Variants in SDR39U1 observed in about 807,000 individuals in gnomAD.
SDR39U1 encodes the protein epimerase family protein SDR39U1.
A neutral mutation model predicts 31.7 loss-of-function variants in SDR39U1; 29 were observed. The observed-to-expected ratio is 0.92, with a 90% confidence interval of 0.68 to 1.25. The LOEUF is 1.25. Ranked by LOEUF, SDR39U1 falls within the 50% of genes most tolerant of loss-of-function variation. The probability of loss-of-function intolerance (pLI) is 0.00; values close to 1 mark genes in which losing one functional copy is unlikely to be tolerated. For missense variants in SDR39U1, 403 were observed against 378.4 expected (o/e 1.06, Z -0.54); for synonymous variants, 147 against 159.0 (o/e 0.92, Z 0.57).
At chr14:24,441,138 G>A in intron 4 of SDR39U1, 1 of 678,496 alleles carries the variant, frequency 1.5e-6, no homozygotes, top group Non-Finnish European at 2.7e-6. Context: ...CTTAGAGGCT[G>A]CTAGAGTGTA....
At position 24,440,142 on chromosome 14, in the gene SDR39U1, T is replaced by G. The variant is rs1165043671; in HGVS notation, c.823A>C (p.Thr275Pro). 6.2e-7 allele frequency: 1 copy of G among 1,613,306 alleles called. No homozygotes were observed. The highest frequency in any genetic ancestry group is 1.1e-5 in the South Asian group (1 of 91,004). The change falls in exon 6 of 6, where the codon ACT becomes CCT. Residue 275 changes from threonine to proline, a missense_variant. Physicochemically the swap from Thr to Pro is conservative, Grantham distance 38. Transcript: ENST00000399395. ...QKVIPQRTLA[T>P]GYQYSFPELG... is the part of the protein sequence containing the mutation. The stretch of plus-strand genomic sequence containing the variant: ...TCTGGGAAGGAATACTGGTAGCCAG[T>G]GGCCAGTGTTCGCTGTGGGATCACC...
At chr14:24,441,612 A>T (rs539340362) in intron 4 of SDR39U1, 62 bp downstream of exon 4, 1 of 1,413,960 alleles carries the variant, frequency 7.1e-7, no homozygotes, top group African/African-American at 1.4e-5. Context: ...GCATAGCTAC[A>T]GAGGTCTGAG....
chr14:24,440,146 C>A lies in SDR39U1; in HGVS notation c.819G>T (p.Leu273=), dbSNP rs773161583. The A allele has an allele frequency of 6.2e-7, 1 of 1,613,454 alleles. No individual in the cohort carries two copies. The highest frequency in any genetic ancestry group is 8.5e-7 in the Non-Finnish European group (1 of 1,179,574). The change falls in exon 6 of 6, where the codon CTG becomes CTT. Residue 273 remains leucine (L), a synonymous_variant. Transcript: ENST00000399395. ...GGAAGGAATACTGGTAGCCAGTGGC[C>A]AGTGTTCGCTGTGGGATCACCTTCT... ...EGQKVIPQRT[L]ATGYQYSFPE...
In SDR39U1 at chr14:24,440,795, C is replaced by T; in HGVS notation, c.460G>A (p.Val154Met). 1 of 1,613,976 alleles carries T rather than the reference C, an allele frequency of 6.2e-7. No homozygotes were observed. The highest frequency in any genetic ancestry group is 8.5e-7 in the Non-Finnish European group (1 of 1,179,854). The change falls in exon 5 of 6, where the codon GTG becomes ATG. Residue 154 changes from valine (V) to methionine (M), a missense_variant. Coordinates refer to ENST00000399395, the MANE Select transcript of SDR39U1 (RefSeq NM_020195.3). Reference sequence around the variant, plus strand: ...GCCCGTTTCTCACCTGAGCGCACCACCACCTGGCGTGTAGAATCTCCAGGA... The same window carrying T: ...GCCCGTTTCTCACCTGAGCGCACCATCACCTGGCGTGTAGAATCTCCAGGA... ...RLPGDSTRQV[V>M]VRSGVVLGRG...
upstream of SDR39U1, chr14:24,442,823 A>C: frequency 1.3e-6 from 2 of 1,598,648 alleles, no homozygotes; most frequent in South Asian, 2.2e-5. Flanking sequence ...CTCACCTCAG[A>C]CGCGACTACG....
intron 4 of SDR39U1, 25 bp from the exon 5 acceptor site, chr14:24,440,951 C>A (rs1377464500): frequency 1.2e-6 from 2 of 1,613,754 alleles, no homozygotes; most frequent in South Asian, 2.2e-5. Context: ...CAATCATTTG[C>A]CCTGGGTGTC....
At chr14:24,441,551 C>T in intron 4 of SDR39U1, 123 bp downstream of exon 4, 1 of 777,536 alleles carries the variant, frequency 1.3e-6, no homozygotes, top group Non-Finnish European at 2.0e-6. Context: ...ATGCATGGAT[C>T]AAGGGCCTAG....
rs1301476620 is a variant in SDR39U1, at chr14:24,441,936, C to T, written c.207-141G>A. 6 of 1,344,722 alleles carry T rather than the reference C, an allele frequency of 4.5e-6. No individual in the cohort carries two copies. The African/African-American group carries it at 7.2e-5, about 16-fold the overall frequency. 83.3% of individuals were successfully genotyped at this position (1,344,722 alleles called of 1,614,324 possible). A position where few individuals can be genotyped will look rare whatever the true frequency, so the allele number is the denominator to read the frequency against. ...GGCTTAAGAGAAACAGTCAACGTCTCCTGTAGAGGGAAAGGGCATTCATTT... is the reference window on the plus strand; with the variant it reads ...GGCTTAAGAGAAACAGTCAACGTCTTCTGTAGAGGGAAAGGGCATTCATTT... On this transcript the variant is annotated intron_variant, in intron 3 of 5. Coordinates refer to ENST00000399395, the MANE Select transcript of SDR39U1 (RefSeq NM_020195.3).
Position 24,440,413 on chromosome 14 carries a change from G to A in SDR39U1, c.552C>T (p.Gly184=), listed in dbSNP as rs1430593780. ...TCCAGGGGAAGAATTGGTGGCCTGA[G>A]CCGATGGGGCCCCCCAGGCCCAGGC... is the stretch of plus-strand genomic sequence containing the variant. ...PFRLGLGGPI[G]SGHQFFPWIH... Residue 184 remains glycine (G), a synonymous_variant, in exon 6 of 6, where the codon GGC becomes GGT. Coordinates refer to ENST00000399395, the MANE Select transcript of SDR39U1 (RefSeq NM_020195.3). 3 of 1,613,528 alleles carry A rather than the reference G, an allele frequency of 1.9e-6. No individual in the cohort carries two copies. Among genetic ancestry groups the A allele is most frequent in the Non-Finnish European group, 2.5e-6 (3 of 1,179,670 alleles).
In SDR39U1 at chr14:24,439,898, T is replaced by C; in HGVS notation, c.*185A>G. ...TCTTACAAGGAGTTGAAAAGATTAA[T>C]GTCCCAACCTGATGAGATTACGGCC... On this transcript the variant is annotated 3_prime_UTR_variant, in exon 6 of 6. Transcript: ENST00000399395. The C allele has an allele frequency of 3.6e-6, 2 of 554,198 alleles. No homozygotes were observed. The allele number at this position is 554,198 out of a possible 1,614,324, so 34.3% of individuals were successfully genotyped here.
rs779781316 is a variant in SDR39U1 at position 24,442,467 on chromosome 14, CAA to C, written c.17-17_17-16del. 13 of 1,585,308 alleles carry C rather than the reference CAA, an allele frequency of 8.2e-6. No homozygotes were observed. The highest frequency in any genetic ancestry group is 9.4e-6 in the Non-Finnish European group (11 of 1,164,496). ...TGTCCCGCCACCTGATCGGAAAATA[CAA>C]ATTGTTTATATTCCCGTGGAGTTGG... On this transcript the variant is annotated splice_polypyrimidine_tract_variant and intron_variant, in intron 1 of 5. Transcript: ENST00000399395.
chr14:24,440,664 G>A, intron 5 of SDR39U1, 119 bp downstream of exon 5: 2 of 1,406,944 alleles, frequency 1.4e-6, no homozygotes, highest in East Asian at 2.3e-5. Flanking sequence ...CTGCAGGTTG[G>A]CTAGAAGTGG....
intron 4 of SDR39U1, 115 bp downstream of exon 4, chr14:24,441,559 T>G (rs190233294): frequency 3.2e-4 from 272 of 845,140 alleles, no homozygotes; most frequent in Non-Finnish European, 4.6e-4. Flanking sequence ...ATCAAGGGCC[T>G]AGGAAGTCAT....
intron 2 of SDR39U1, 30 bp from the exon 3 acceptor site, chr14:24,442,290 CCCGCCCTGCG>C (rs752135237): frequency 9.4e-6 from 15 of 1,602,462 alleles, no homozygotes; most frequent in Admixed American, 6.8e-5. Flanking sequence ...GTGCCCCTGC[CCCGCCCTGCG>C]CCGCCCAACT....
chr14:24,441,382 C>G (rs2043334843), intron 4 of SDR39U1: 1 of 471,058 alleles, frequency 2.1e-6, no homozygotes, highest in Non-Finnish European at 3.7e-6. Flanking sequence ...TTACTTGGTC[C>G]CAAAGGTGAC....
At position 24,440,074 on chromosome 14, in the gene SDR39U1, A is replaced by G. The variant is rs1445565490; in HGVS notation, c.*9T>C. On this transcript the variant is annotated 3_prime_UTR_variant, in exon 6 of 6. Transcript: ENST00000399395. Reference sequence around the variant, plus strand: ...GAGGAACAGGCCTCAGGCCCTTGCCACGACCTACTTAGGCTACAATTTCCT... The same window carrying G: ...GAGGAACAGGCCTCAGGCCCTTGCCGCGACCTACTTAGGCTACAATTTCCT... The G allele has an allele frequency of 1.9e-6, 3 of 1,582,052 alleles. No individual in the cohort carries two copies. Among genetic ancestry groups the G allele is most frequent in the South Asian group, 1.2e-5 (1 of 86,522 alleles).
At position 24,440,813 on chromosome 14, in the gene SDR39U1, C is replaced by T; in HGVS notation, c.442G>A (p.Asp148Asn). The change falls in exon 5 of 6, where the codon GAT (aspartate) becomes AAT (asparagine). Residue 148 changes from aspartate (D) to asparagine (N), a missense_variant. By Grantham distance (23) the Asp-to-Asn change is conservative (BLOSUM62 1). Coordinates refer to ENST00000399395, the MANE Select transcript of SDR39U1 (RefSeq NM_020195.3). ...CGCACCACCACCTGGCGTGTAGAAT[C>T]TCCAGGAAGCCTGGCTGCAGCTTCC... ...KWEAAARLPG[D>N]STRQVVVRSG... 1 of 1,613,604 alleles carries T rather than the reference C, an allele frequency of 6.2e-7. No individual in the cohort carries two copies. The highest frequency in any genetic ancestry group is 8.5e-7 in the Non-Finnish European group (1 of 1,179,756).
chr14:24,441,037 T>G, intron 4 of SDR39U1, 111 bp from the exon 5 acceptor site: 1 of 1,166,160 alleles, frequency 8.6e-7, no homozygotes. Context: ...TCTCCCCATT[T>G]GGAGACAGAG....
At chr14:24,442,730 CT>C in intron 1 of SDR39U1, 23 bp downstream of exon 1, 1 of 1,613,838 alleles carries the variant, frequency 6.2e-7, no homozygotes, top group Non-Finnish European at 8.5e-7. Context: ...CCGCCCAGCA[CT>C]CTCCCTTTCT....
Sources: gnomAD v4.1 joint callset for allele counts on GRCh38, gnomAD v4.1.1 for gene constraint, MANE v1.5 for transcripts, NCBI Gene and HGNC (gene_info 2026-07-23, HGNC 2026-07-21) for gene names.